CLEC16A: variants seen among roughly 807,000 people sequenced by gnomAD.
The protein encoded by CLEC16A is protein CLEC16A.
A neutral mutation model predicts 109.5 loss-of-function variants in CLEC16A; 51 were observed. The observed-to-expected ratio is 0.47, with a 90% CI of 0.37 to 0.59. The LOEUF is 0.59. CLEC16A is among the 20% of genes least tolerant of loss of function. The probability of loss-of-function intolerance (pLI) is 0.00; values close to 1 mark genes in which losing one functional copy is unlikely to be tolerated. For missense variants in CLEC16A, 1,339 were observed against 1,394.0 expected (o/e 0.96, Z 0.63); for synonymous variants, 673 against 564.2 (o/e 1.19, Z -2.73).
chr16:10,944,970 G>A (rs1251666700), intron 1 of CLEC16A, among the ~76,000 whole-genome samples, 173 bp downstream of exon 1: 2 of 152,232 alleles, frequency 1.3e-5, no homozygotes, highest in African/African-American at 4.8e-5. Flanking sequence ...TTCGAACCCT[G>A]ACCCCGTCGC....
intron 19 of CLEC16A, among the ~76,000 whole-genome samples, chr16:11,109,325 T>C (rs1392783178): frequency 6.6e-6 from 1 of 151,944 alleles, no homozygotes; most frequent in African/African-American, 2.4e-5. Context: ...AGCTAATTTT[T>C]TTATTATTTG....
At chr16:10,950,633 C>T (rs759801938) in intron 1 of CLEC16A, among the ~76,000 whole-genome samples, 15 of 152,210 alleles carry the variant, frequency 9.9e-5, no homozygotes, top group Non-Finnish European at 1.9e-4. Flanking sequence ...TGAAGCTTCT[C>T]CTTGTCCTGC....
At chr16:11,172,443 G>C (rs1382433082) in intron 23 of CLEC16A, among the ~76,000 whole-genome samples, 2 of 152,202 alleles carry the variant, frequency 1.3e-5, no homozygotes, top group Non-Finnish European at 2.9e-5. Context: ...CTCCAGATTA[G>C]TTGGAGTTCA....
intron 20 of CLEC16A, among the ~76,000 whole-genome samples, 172 bp from the exon 21 acceptor site, chr16:11,123,570 G>C (rs1282673705): frequency 6.6e-6 from 1 of 152,156 alleles, no homozygotes; most frequent in Admixed American, 6.5e-5. Flanking sequence ...ACTGGGCCTG[G>C]TCTGCCTTGT....
chr16:11,149,596 A>G (rs1339307468), intron 22 of CLEC16A, among the ~76,000 whole-genome samples: 2 of 152,142 alleles, frequency 1.3e-5, no homozygotes, highest in African/African-American at 2.4e-5. Context: ...GTTCAAGACC[A>G]GCCTGAGCAA....
At chr16:11,121,879 CAAA>C (rs536067685) in intron 20 of CLEC16A, among the ~76,000 whole-genome samples, 3 of 29,838 alleles carry the variant, frequency 1.0e-4, no homozygotes, top group African/African-American at 1.5e-4. Flanking sequence ...GACCCTGTCT[CAAA>C]AAAAAAAAAA....
At chr16:11,153,694 C>T (rs1309323702) in intron 22 of CLEC16A, among the ~76,000 whole-genome samples, 1 of 151,664 alleles carries the variant, frequency 6.6e-6, no homozygotes, top group East Asian at 1.9e-4. Context: ...ACATCTGACC[C>T]CAAGACATAA....
chr16:11,156,917 G>T (rs1050503371), intron 22 of CLEC16A, among the ~76,000 whole-genome samples: 1 of 77,306 alleles, frequency 1.3e-5, no homozygotes, highest in Admixed American at 1.5e-4. Flanking sequence ...CCAAATGCCC[G>T]CCCCCCCCCC....
In CLEC16A at chr16:10,961,926, C is replaced by T. The variant is rs2042264823; in HGVS notation, c.210-529C>T. Among the ~76,000 whole-genome samples the T allele has an allele frequency of 6.6e-6, 1 of 151,796 alleles. No homozygotes were observed. The highest frequency in any genetic ancestry group is 1.5e-5 in the Non-Finnish European group (1 of 67,992). On this transcript the variant is annotated intron_variant, in intron 2 of 23. Coordinates refer to ENST00000409790, the MANE Select transcript of CLEC16A (RefSeq NM_015226.3). The surrounding 1 kb of genome is among the most constrained non-coding windows in gnomAD (Gnocchi z 4.3). Reference sequence around the variant, plus strand: ...AACTGGCAGTTAAGGGGAAGAAAACCGTAGGGCTAAAGCTTTTTGGGAACT... The same window carrying T: ...AACTGGCAGTTAAGGGGAAGAAAACTGTAGGGCTAAAGCTTTTTGGGAACT...
At chr16:11,051,397 C>A in intron 17 of CLEC16A, 116 bp from the exon 18 acceptor site, 1 of 1,051,594 alleles carries the variant, frequency 9.5e-7, no homozygotes, top group Non-Finnish European at 1.4e-6. Context: ...ATTTAGATCA[C>A]TCATTTACAT....
intron 11 of CLEC16A, among the ~76,000 whole-genome samples, chr16:11,008,046 C>T (rs964802312): frequency 6.6e-6 from 1 of 152,076 alleles, no homozygotes; most frequent in Non-Finnish European, 1.5e-5. Flanking sequence ...GGAAGGGCTG[C>T]CCCCAGTACT....
At chr16:11,126,293 C>T in intron 22 of CLEC16A, 147 bp downstream of exon 22, 1 of 1,545,726 alleles carries the variant, frequency 6.5e-7, no homozygotes, top group Non-Finnish European at 8.7e-7. Flanking sequence ...TTTGTCAAAG[C>T]ACAGCGCAAG....
rs2145505914 is a variant in CLEC16A at position 10,944,582 on chromosome 16, G to A, written c.-136G>A. On this transcript the variant is annotated 5_prime_UTR_variant, in exon 1 of 24. Coordinates refer to ENST00000409790, the MANE Select transcript of CLEC16A (RefSeq NM_015226.3). ...GAATGTCAGTGCTGGGCTGTGGGCC[G>A]GGGAGGAAGGCGGCTCGCGGTTCCT... is the stretch of plus-strand genomic sequence containing the variant. The A allele has an allele frequency of 2.4e-6, 2 of 829,942 alleles. No individual in the cohort carries two copies. The highest frequency in any genetic ancestry group is 3.3e-4 in the Middle Eastern group (1 of 2,988). 51.4% of individuals were successfully genotyped at this position (829,942 alleles called of 1,614,324 possible). A position where few individuals can be genotyped will look rare whatever the true frequency, so the allele number is the denominator to read the frequency against.
intron 19 of CLEC16A, among the ~76,000 whole-genome samples, chr16:11,062,736 C>T (rs552591858): frequency 5.1e-4 from 77 of 152,294 alleles, no homozygotes; most frequent in Middle Eastern, 3.4e-3. Flanking sequence ...GCAGCTGTGA[C>T]GCCTCTCTGC....
intron 1 of CLEC16A, among the ~76,000 whole-genome samples, chr16:10,950,432 G>A (rs1359275103): frequency 6.6e-6 from 1 of 152,118 alleles, no homozygotes; most frequent in African/African-American, 2.4e-5. Context: ...CACAGCACCT[G>A]TGCCACAGCC....
rs547857273 is a variant in CLEC16A, at chr16:11,162,083, A to T, written c.2642-4305A>T. On this transcript the variant is annotated intron_variant, in intron 22 of 23. Transcript: ENST00000409790. The stretch of plus-strand genomic sequence containing the variant: ...TTTCCTTCTGTCAGTGGGCCTAAAA[A>T]TAGAAGACTGACCTTTTCTTGGTAT... Among the ~76,000 whole-genome samples, 8 of 152,342 alleles carry T rather than the reference A, an allele frequency of 5.3e-5. No homozygotes were observed. The South Asian group carries it at 1.5e-3, about 28-fold the overall frequency.
chr16:11,140,415 T>TG (rs1372319538), intron 22 of CLEC16A, among the ~76,000 whole-genome samples: 6 of 152,202 alleles, frequency 3.9e-5, no homozygotes, highest in African/African-American at 1.4e-4. Context: ...CTTGGGCATT[T>TG]GGGGAGAAAA....
At chr16:10,978,700 C>T (rs2043154084) in intron 8 of CLEC16A, among the ~76,000 whole-genome samples, 1 of 152,174 alleles carries the variant, frequency 6.6e-6, no homozygotes, top group Non-Finnish European at 1.5e-5. Flanking sequence ...GAATAAGCGC[C>T]TTAGCTTTAC....
In CLEC16A at chr16:11,142,950, A is replaced by T. The variant is rs138398816; in HGVS notation, c.2641+16804A>T. Among the ~76,000 whole-genome samples, 8 of 152,256 alleles carry T rather than the reference A, an allele frequency of 5.3e-5. No individual in the cohort carries two copies. The East Asian group carries it at 1.5e-3, about 29-fold the overall frequency. ...CTCAGCCTTCCAAGTAGCTGAGATT[A>T]CAGGCGCCTGCCACCACGCCTAGCT... is the stretch of plus-strand genomic sequence containing the variant. On this transcript the variant is annotated intron_variant, in intron 22 of 23. Transcript: ENST00000409790.
Sources: gnomAD v4.1 joint callset for allele counts (sites outside exome capture counted in the v4.1 genomes callset) on GRCh38, gnomAD v4.1.1 for gene constraint, Gnocchi (gnomAD v3.1) non-coding constraint, MANE v1.5 for transcripts, NCBI Gene and HGNC (gene_info 2026-07-23, HGNC 2026-07-21) for gene names.